ELOVL6: variants seen among roughly 807,000 people sequenced by gnomAD.
ELOVL6 encodes the protein ELOVL fatty acid elongase 6.
ELOVL6 carries 8 observed loss-of-function variants against 31.7 expected under a neutral mutation model. The observed-to-expected ratio is 0.25, with a 90% CI of 0.15 to 0.45. ELOVL6 has a LOEUF of 0.45. Among genes scored for constraint, ELOVL6 ranks in the 20% least tolerant of loss-of-function variants. The probability of loss-of-function intolerance (pLI) is 1.00; values close to 1 mark genes in which losing one functional copy is unlikely to be tolerated. For synonymous variants in ELOVL6, 101 were observed against 117.7 expected (o/e 0.86, Z 0.92); for missense variants, 126 against 326.4 (o/e 0.39, Z 4.73).
At chr4:110,080,659 G>A (rs1755811834) in intron 2 of ELOVL6, among the ~76,000 whole-genome samples, 1 of 152,150 alleles carries the variant, frequency 6.6e-6, no homozygotes, top group Non-Finnish European at 1.5e-5. Flanking sequence ...AAAACTGTAA[G>A]CATTCCCTTT....
chr4:110,140,599 A>C (rs1757926804), intron 1 of ELOVL6, among the ~76,000 whole-genome samples: 2 of 152,004 alleles, frequency 1.3e-5, no homozygotes, highest in African/African-American at 2.4e-5. Context: ...AATTCTAAGC[A>C]CTTCTCAATT....
At chr4:110,164,884 G>A (rs932206629) in intron 1 of ELOVL6, among the ~76,000 whole-genome samples, 3 of 151,876 alleles carry the variant, frequency 2.0e-5, no homozygotes, top group African/African-American at 7.3e-5. Flanking sequence ...TGTTGCCCAG[G>A]TTGGAGTGCA....
chr4:110,083,244 A>G (rs1755936709), intron 2 of ELOVL6, among the ~76,000 whole-genome samples: 1 of 151,764 alleles, frequency 6.6e-6, no homozygotes, highest in African/African-American at 2.4e-5. Flanking sequence ...ACAGGATAAC[A>G]AAACCAGGTA....
At chr4:110,151,021 A>G (rs1758264421) in intron 1 of ELOVL6, among the ~76,000 whole-genome samples, 2 of 151,846 alleles carry the variant, frequency 1.3e-5, no homozygotes, top group African/African-American at 4.8e-5. Context: ...CCAGCCTGAG[A>G]GACAGAGGAA....
rs569836025 is a variant in ELOVL6, at chr4:110,076,829, T to A, written c.222-17075A>T. ...AGCTCAAGGGGTCAGGGAACTCCCT[T>A]TCCTAGTCAAAGAAAGGGGTGACAG... is the stretch of plus-strand genomic sequence containing the variant. On this transcript the variant is annotated intron_variant, in intron 2 of 3. Transcript: ENST00000302274. Among the ~76,000 whole-genome samples, 5 of 152,250 alleles carry A rather than the reference T, an allele frequency of 3.3e-5. No individual in the cohort carries two copies. The East Asian group carries it at 9.7e-4, about 29-fold the overall frequency.
chr4:110,100,121 C>T (rs1161156398), intron 2 of ELOVL6, among the ~76,000 whole-genome samples: 1 of 152,136 alleles, frequency 6.6e-6, no homozygotes, highest in East Asian at 1.9e-4. Flanking sequence ...GGAAGTTGGT[C>T]ACTATGCCAT....
At chr4:110,140,699 C>T (rs1757928787) in intron 1 of ELOVL6, among the ~76,000 whole-genome samples, 1 of 151,534 alleles carries the variant, frequency 6.6e-6, no homozygotes, top group Admixed American at 6.6e-5. Context: ...TTAAGCTTGT[C>T]CTTATTGCCC....
intron 1 of ELOVL6, among the ~76,000 whole-genome samples, chr4:110,143,827 G>A (rs539414651): frequency 1.1e-4 from 17 of 152,114 alleles, no homozygotes; most frequent in African/African-American, 3.9e-4. Context: ...AGGCTGAGGC[G>A]GGTGGATCAC....
At chr4:110,140,985 G>A (rs374386368) in intron 1 of ELOVL6, among the ~76,000 whole-genome samples, 32 of 152,150 alleles carry the variant, frequency 2.1e-4, no homozygotes, top group East Asian at 9.6e-4. Context: ...CAGCTTACGG[G>A]ATTGTTGAGA....
intron 1 of ELOVL6, among the ~76,000 whole-genome samples, chr4:110,197,454 G>A (rs1321901145): frequency 6.6e-6 from 1 of 152,100 alleles, no homozygotes; most frequent in African/African-American, 2.4e-5. Flanking sequence ...CAGACGGAGG[G>A]GCTTTTAATC....
intron 2 of ELOVL6, among the ~76,000 whole-genome samples, chr4:110,096,134 C>T (rs1756573950): frequency 6.6e-6 from 1 of 152,106 alleles, no homozygotes; most frequent in Admixed American, 6.6e-5. Context: ...TGAGCCAACA[C>T]AATTTCTCAG....
chr4:110,089,615 C>G (rs567224319), intron 2 of ELOVL6, among the ~76,000 whole-genome samples: 1 of 152,286 alleles, frequency 6.6e-6, no homozygotes, highest in South Asian at 2.1e-4. Context: ...TAAGAGATAG[C>G]ATGCTATTTT....
At chr4:110,140,338 A>G (rs1166259165) in intron 1 of ELOVL6, among the ~76,000 whole-genome samples, 1 of 152,162 alleles carries the variant, frequency 6.6e-6, no homozygotes, top group Non-Finnish European at 1.5e-5. Context: ...TCAGATCCCT[A>G]GCAGTTTCTA....
At chr4:110,128,830 A>C (rs992805952) in intron 1 of ELOVL6, among the ~76,000 whole-genome samples, 13 of 152,218 alleles carry the variant, frequency 8.5e-5, no homozygotes, top group African/African-American at 3.1e-4. Context: ...GACTGAGAAA[A>C]CAGTCATCCA....
In ELOVL6 at chr4:110,198,459, G is replaced by T; in HGVS notation, c.-124C>A. On this transcript the variant is annotated 5_prime_UTR_variant, in exon 1 of 4. Transcript: ENST00000302274. ...CACCCCCCTAGGTCTTCCCCACGCC[G>T]CTCGGTCTCCAGCGGTCGTCTCTTC... 1.7e-6 allele frequency: 1 copy of T among 579,038 alleles called. No homozygotes were observed. 35.9% of individuals were successfully genotyped at this position (579,038 alleles called of 1,614,324 possible).
intron 1 of ELOVL6, among the ~76,000 whole-genome samples, chr4:110,114,806 G>T (rs1757130724): frequency 6.6e-6 from 1 of 152,068 alleles, no homozygotes; most frequent in Admixed American, 6.5e-5. Flanking sequence ...ATTGAAAACC[G>T]GATTTCAGGT....
chr4:110,114,294 A>G (rs1757116295), intron 1 of ELOVL6, among the ~76,000 whole-genome samples: 1 of 152,184 alleles, frequency 6.6e-6, no homozygotes, highest in African/African-American at 2.4e-5. Context: ...GCTTGAAGTT[A>G]CACAAATACA....
At chr4:110,080,276 G>A (rs1053054832) in intron 2 of ELOVL6, among the ~76,000 whole-genome samples, 1 of 152,140 alleles carries the variant, frequency 6.6e-6, no homozygotes, top group Non-Finnish European at 1.5e-5. Flanking sequence ...AAGCCTGGCA[G>A]AAACAAAACA....
At chr4:110,106,699 CG>C (rs1756901126) in intron 1 of ELOVL6, among the ~76,000 whole-genome samples, 2 of 151,856 alleles carry the variant, frequency 1.3e-5, no homozygotes, top group Non-Finnish European at 2.9e-5. Context: ...CTTTGTGACC[CG>C]TATCTTGTGC....
Sources: allele counts gnomAD v4.1 joint callset (sites outside exome capture counted in the v4.1 genomes callset), GRCh38; gene constraint gnomAD v4.1.1; transcripts MANE v1.5; gene names NCBI Gene and HGNC (gene_info 2026-07-23, HGNC 2026-07-21).